The following SATL1 variants were observed in gnomAD, a reference collection of about 807,000 sequenced individuals.
The protein encoded by SATL1 is spermidine/spermine N(1)-acetyltransferase-like protein 1.
A neutral mutation model predicts 51.8 loss-of-function variants in SATL1; 47 were observed. That is an observed-to-expected ratio of 0.91 (90% CI 0.72 to 1.16). The LOEUF (loss-of-function observed/expected upper bound fraction) is 1.16, where lower values mean the gene tolerates loss of function less well. Among genes scored for constraint, SATL1 ranks in the 50% most tolerant of loss-of-function variants. The pLI is 0.00. For synonymous variants in SATL1, 176 were observed against 182.4 expected (o/e 0.97, Z 0.28); for missense variants, 520 against 526.4 (o/e 0.99, Z 0.12).
chrX:85,097,280 A>G (rs1924756268), intron 4 of SATL1, among the ~76,000 whole-genome samples: 1 of 112,222 alleles, frequency 8.9e-6, no homozygotes, highest in Admixed American at 9.5e-5. Flanking sequence ...ATACTGAGAG[A>G]TGACCCTAAC....
At chrX:85,095,070 T>G (rs1249457482) in intron 4 of SATL1, 74 bp from the exon 5 acceptor site, 1 of 566,829 alleles carries the variant, frequency 1.8e-6, no homozygotes, top group African/African-American at 2.2e-5. Flanking sequence ...TAGGAAGCAC[T>G]AGGAATTTCT....
At chrX:85,114,176 C>T (rs1925329469) in intron 2 of SATL1, among the ~76,000 whole-genome samples, 1 of 111,584 alleles carries the variant, frequency 9.0e-6, no homozygotes, top group African/African-American at 3.3e-5. Flanking sequence ...AAACAGTTTC[C>T]AAATTACTGA....
chrX:85,134,938 AGT>A (rs1277000563), intron 2 of SATL1, among the ~76,000 whole-genome samples: 1 of 111,989 alleles, frequency 8.9e-6, no homozygotes, highest in African/African-American at 3.2e-5. Context: ...TAAAAGTAAC[AGT>A]GACATGATAA....
At chrX:85,165,494 T>C (rs1022248108) in intron 2 of SATL1, among the ~76,000 whole-genome samples, 1 of 110,760 alleles carries the variant, frequency 9.0e-6, no homozygotes, top group African/African-American at 3.3e-5. Context: ...CACCTTTCTC[T>C]GGTACCTAAT....
chrX:85,191,658 C>A (rs1329948412), intron 2 of SATL1, among the ~76,000 whole-genome samples: 1 of 111,360 alleles, frequency 9.0e-6, no homozygotes, highest in East Asian at 2.8e-4. Flanking sequence ...TTACAGTAAA[C>A]TAAGCTAGAG....
chrX:85,194,836 A>C (rs1287491326), intron 2 of SATL1, among the ~76,000 whole-genome samples: 1 of 98,662 alleles, frequency 1.0e-5, no homozygotes, highest in African/African-American at 3.7e-5. Context: ...GAACACATGG[A>C]CACAGGAAGG....
chrX:85,198,904 T>C (rs1048168062), intron 2 of SATL1, among the ~76,000 whole-genome samples: 1 of 109,018 alleles, frequency 9.2e-6, no homozygotes, highest in Non-Finnish European at 1.9e-5. Flanking sequence ...AGTGACACAA[T>C]CTCGGTTCAC....
At chrX:85,156,870 A>T (rs866634715) in intron 2 of SATL1, among the ~76,000 whole-genome samples, 51 of 75,736 alleles carry the variant, frequency 6.7e-4, no homozygotes, top group African/African-American at 2.5e-3. Flanking sequence ...TATATATATA[A>T]AATATGTAAA....
intron 2 of SATL1, chrX:85,210,780 C>T (rs1380196334): frequency 1.8e-5 from 2 of 111,498 alleles, no homozygotes; most frequent in South Asian, 3.7e-4. Flanking sequence ...ACTCACACTT[C>T]AAAAGTCATG....
At chrX:85,224,768 CA>C (rs58905613) in intron 1 of SATL1, among the ~76,000 whole-genome samples, 1,930 of 59,686 alleles carry the variant, frequency 0.032, 72 homozygotes, top group East Asian at 0.26. Context: ...GAGTATATAT[CA>C]AAAAAAAAAA....
intron 2 of SATL1, among the ~76,000 whole-genome samples, chrX:85,205,250 T>C (rs1324132446): frequency 2.7e-5 from 3 of 112,351 alleles, no homozygotes; most frequent in Non-Finnish European, 5.6e-5. Context: ...ATATCATTCA[T>C]TGATTCATTC....
At chrX:85,202,848 G>T (rs1237067210) in intron 2 of SATL1, among the ~76,000 whole-genome samples, 2 of 111,564 alleles carry the variant, frequency 1.8e-5, no homozygotes, top group Non-Finnish European at 3.8e-5. Context: ...TAAGGTCTTT[G>T]CTCGTTCATT....
chrX:85,152,346 G>A (rs865821659), intron 2 of SATL1, among the ~76,000 whole-genome samples: 2 of 111,424 alleles, frequency 1.8e-5, no homozygotes, highest in African/African-American at 3.3e-5. Context: ...TGGAGATATA[G>A]GAACACTTTT....
intron 2 of SATL1, among the ~76,000 whole-genome samples, chrX:85,129,641 T>C (rs190647282): frequency 2.0e-3 from 224 of 111,697 alleles, no homozygotes; most frequent in Non-Finnish European, 2.9e-3. Context: ...CCTTTATTTC[T>C]TTCTCTTGCC....
At chrX:85,102,235 C>T (rs1175928441) in intron 4 of SATL1, among the ~76,000 whole-genome samples, 4 of 96,314 alleles carry the variant, frequency 4.2e-5, no homozygotes, top group African/African-American at 1.6e-4. Flanking sequence ...CTTCCCCCCT[C>T]CCCCCACCCC....
intron 2 of SATL1, chrX:85,218,969 A>C (rs1007069200): frequency 3.6e-5 from 4 of 112,526 alleles, no homozygotes; most frequent in Non-Finnish European, 7.5e-5. Context: ...TAAAATAACT[A>C]AACATAAGCA....
chrX:85,161,719 G>A (rs188800810), intron 2 of SATL1, among the ~76,000 whole-genome samples: 1 of 111,109 alleles, frequency 9.0e-6, no homozygotes, highest in African/African-American at 3.3e-5. Flanking sequence ...TAATAATAAT[G>A]GGAGACTACA....
chrX:85,121,743 T>A lies in SATL1; in HGVS notation c.-312-12463A>T, dbSNP rs779237032. Among the ~76,000 whole-genome samples the A allele has an allele frequency of 1.4e-3, 154 of 107,806 alleles. 1 individual carries two copies. Among genetic ancestry groups the A allele is most frequent in the African/African-American group, 4.9e-3 (147 of 29,717 alleles). The allele number at this position is 107,806 out of a possible 115,157, so 93.6% of individuals were successfully genotyped here. A position where few individuals can be genotyped will look rare whatever the true frequency, so the allele number is the denominator to read the frequency against. On this transcript the variant is annotated intron_variant, in intron 2 of 7. Coordinates refer to ENST00000644105, the MANE Select transcript of SATL1 (RefSeq NM_001367857.2). ...TGGGGGTGGGGAATGGGGAGTTGTT[T>A]AAAGGGTAAAAAGTTTTGGTTAGAC...
chrX:85,137,364 G>A (rs1476176175), intron 2 of SATL1, among the ~76,000 whole-genome samples: 2 of 111,276 alleles, frequency 1.8e-5, no homozygotes, highest in Non-Finnish European at 3.8e-5. Flanking sequence ...AGGGGGCAAT[G>A]AATATTTCAT....
Sources: allele counts gnomAD v4.1 joint callset (sites outside exome capture counted in the v4.1 genomes callset), GRCh38; gene constraint gnomAD v4.1.1; transcripts MANE v1.5; gene names NCBI Gene and HGNC (gene_info 2026-07-23, HGNC 2026-07-21).